ASAP1: variants seen among roughly 807,000 people sequenced by gnomAD.
The protein encoded by ASAP1 is ArfGAP with SH3 domain, ankyrin repeat and PH domain 1.
Under a neutral mutation model 145.2 loss-of-function variants are expected in ASAP1, and 43 were observed. The observed-to-expected ratio is 0.30, with a 90% confidence interval of 0.23 to 0.38. ASAP1 has a LOEUF of 0.38. Ranked by LOEUF, ASAP1 falls within the 10% of genes least tolerant of loss-of-function variation. The probability of loss-of-function intolerance (pLI) is 1.00; values close to 1 mark genes in which losing one functional copy is unlikely to be tolerated. For missense variants in ASAP1, 1,018 were observed against 1,355.3 expected, an observed-to-expected ratio of 0.75 and a Z score of 3.91; for synonymous variants, 546 against 515.5, an observed-to-expected ratio of 1.06 and a Z score of -0.80.
At chr8:130,175,199 C>G (rs1004001564) in intron 9 of ASAP1, among the ~76,000 whole-genome samples, 1 of 152,050 alleles carries the variant, frequency 6.6e-6, no homozygotes, top group Non-Finnish European at 1.5e-5. Context: ...CACCTTTTCA[C>G]GTGTTTTTCT....
intron 3 of ASAP1, among the ~76,000 whole-genome samples, chr8:130,346,212 A>T (rs1301271799): frequency 6.6e-6 from 1 of 152,250 alleles, no homozygotes; most frequent in Non-Finnish European, 1.5e-5. Flanking sequence ...AGGTACTTAC[A>T]ATCTACTAAA....
At chr8:130,289,299 TAAACAA>T (rs1821811140) in intron 3 of ASAP1, among the ~76,000 whole-genome samples, 1 of 152,230 alleles carries the variant, frequency 6.6e-6, no homozygotes, top group African/African-American at 2.4e-5. Flanking sequence ...CTAACACTAT[TAAACAA>T]AAACATGCAC....
intron 3 of ASAP1, among the ~76,000 whole-genome samples, chr8:130,241,680 T>A (rs896103348): frequency 6.6e-6 from 1 of 152,166 alleles, no homozygotes; most frequent in African/African-American, 2.4e-5. Context: ...ATATCTAATA[T>A]GTATAGCCAT....
intron 2 of ASAP1, among the ~76,000 whole-genome samples, chr8:130,378,233 A>G (rs1277324492): frequency 1.3e-5 from 2 of 152,252 alleles, no homozygotes; most frequent in Non-Finnish European, 2.9e-5. Flanking sequence ...ATGCTGACAA[A>G]TATTAGCAGG....
At chr8:130,172,845 C>T (rs1813680886) in intron 9 of ASAP1, among the ~76,000 whole-genome samples, 1 of 152,196 alleles carries the variant, frequency 6.6e-6, no homozygotes. Context: ...AATTACAAGG[C>T]TGAAGACTCC....
intron 13 of ASAP1, among the ~76,000 whole-genome samples, chr8:130,138,107 T>C (rs903217841): frequency 6.6e-6 from 1 of 151,930 alleles, no homozygotes; most frequent in Non-Finnish European, 1.5e-5. Flanking sequence ...GGGGAGGGAG[T>C]TAGAGACAAG....
At chr8:130,343,624 T>C (rs1332731417) in intron 3 of ASAP1, among the ~76,000 whole-genome samples, 1 of 152,226 alleles carries the variant, frequency 6.6e-6, no homozygotes, top group Non-Finnish European at 1.5e-5. Flanking sequence ...TTAATATGCC[T>C]GGCCTTTGAG....
At chr8:130,331,783 G>A (rs1824707663) in intron 3 of ASAP1, among the ~76,000 whole-genome samples, 1 of 151,380 alleles carries the variant, frequency 6.6e-6, no homozygotes. Flanking sequence ...AAAATTCACA[G>A]ACATATCTAG....
intron 3 of ASAP1, among the ~76,000 whole-genome samples, chr8:130,349,856 A>G (rs776531782): frequency 3.3e-5 from 5 of 152,204 alleles, no homozygotes; most frequent in Non-Finnish European, 7.3e-5. Flanking sequence ...TATTTATCAA[A>G]TGGGGAAACA....
At chr8:130,293,412 C>T (rs1399917794) in intron 3 of ASAP1, among the ~76,000 whole-genome samples, 2 of 152,216 alleles carry the variant, frequency 1.3e-5, no homozygotes, top group African/African-American at 4.8e-5. Context: ...TTTCTAACTT[C>T]CAACATCCAT....
chr8:130,197,618 A>AT (rs1815589044), intron 5 of ASAP1, among the ~76,000 whole-genome samples: 1 of 152,224 alleles, frequency 6.6e-6, no homozygotes, highest in Admixed American at 6.5e-5. Context: ...GTGGATGCAA[A>AT]TACAGGCAAA....
intron 4 of ASAP1, among the ~76,000 whole-genome samples, chr8:130,228,482 C>G (rs968191238): frequency 1.3e-5 from 2 of 152,024 alleles, no homozygotes; most frequent in Non-Finnish European, 2.9e-5. Flanking sequence ...GGGTGAATAG[C>G]TTGAGCCCAG....
In ASAP1 at chr8:130,181,924, C is replaced by T. The variant is rs946713134; in HGVS notation, c.531-1044G>A. ...AAGTTATGGTGGTGGTAGGGGAAAC[C>T]AACTCTGAAGAAAGCCAACATCCTT... On this transcript the variant is annotated intron_variant, in intron 7 of 29. Coordinates refer to ENST00000518721, the MANE Select transcript of ASAP1 (RefSeq NM_018482.4). Among the ~76,000 whole-genome samples the T allele has an allele frequency of 3.3e-5, 5 of 152,236 alleles. No homozygotes were observed. The East Asian group carries it at 5.8e-4, about 18-fold the overall frequency.
chr8:130,071,144 A>G (rs1210216616), intron 27 of ASAP1, among the ~76,000 whole-genome samples: 1 of 152,014 alleles, frequency 6.6e-6, no homozygotes, highest in African/African-American at 2.4e-5. Flanking sequence ...GACAGCAAAG[A>G]TGATTTTTGT....
chr8:130,344,276 T>C (rs1022270670), intron 3 of ASAP1, among the ~76,000 whole-genome samples: 9 of 151,420 alleles, frequency 5.9e-5, no homozygotes, highest in South Asian at 4.2e-4. Context: ...AAATAAACCA[T>C]TTTTTTTTAA....
chr8:130,430,992 A>C (rs754321205), intron 1 of ASAP1, among the ~76,000 whole-genome samples: 1 of 152,188 alleles, frequency 6.6e-6, no homozygotes, highest in Non-Finnish European at 1.5e-5. Flanking sequence ...TTCCCACTGA[A>C]GCCAGGAACT....
At chr8:130,412,050 A>G (rs1829287194) in intron 1 of ASAP1, among the ~76,000 whole-genome samples, 1 of 152,216 alleles carries the variant, frequency 6.6e-6, no homozygotes, top group East Asian at 1.9e-4. Flanking sequence ...GGTATCGGCC[A>G]CATAGCCCCT....
intron 1 of ASAP1, among the ~76,000 whole-genome samples, chr8:130,403,936 A>C (rs1284615329): frequency 6.6e-6 from 1 of 152,086 alleles, no homozygotes; most frequent in South Asian, 2.1e-4. Context: ...CTCTGTCTGG[A>C]AGGCTTCCTC....
Position 130,076,460 on chromosome 8 carries a change from C to T in ASAP1, c.2643-54G>A. On this transcript the variant is annotated intron_variant, in intron 26 of 29. Coordinates refer to ENST00000518721, the MANE Select transcript of ASAP1 (RefSeq NM_018482.4). The stretch of plus-strand genomic sequence containing the variant: ...TCTAAAAGTGCTAGAATATCAATAG[C>T]AAAATATTATTCAAGTAAATCAAAT... The T allele has an allele frequency of 5.1e-6, 6 of 1,184,784 alleles. No individual in the cohort carries two copies. In the South Asian group the frequency reaches 7.8e-5, roughly 15 times the overall value. 73.4% of individuals were successfully genotyped at this position (1,184,784 alleles called of 1,614,324 possible).
Sources: allele counts gnomAD v4.1 joint callset (sites outside exome capture counted in the v4.1 genomes callset), GRCh38; gene constraint gnomAD v4.1.1; transcripts MANE v1.5; gene names NCBI Gene and HGNC (gene_info 2026-07-23, HGNC 2026-07-21).